Variants in ADAMTS9 observed in about 807,000 individuals in gnomAD.
ADAMTS9 encodes ADAM metallopeptidase with thrombospondin type 1 motif 9.
ADAMTS9 carries 107 observed loss-of-function variants against 257.1 expected under a neutral mutation model. That is an observed-to-expected ratio of 0.42 (90% CI 0.36 to 0.49). The LOEUF is 0.49. Ranked by LOEUF, ADAMTS9 falls within the 20% of genes least tolerant of loss-of-function variation. The pLI is 0.03. For synonymous variants in ADAMTS9, 982 were observed against 880.9 expected (o/e 1.11, Z -2.03); for missense variants, 2,353 against 2,469.1 (o/e 0.95, Z 1.00).
intron 28 of ADAMTS9, chr3:64,589,803 A>C (rs559462407): frequency 6.6e-6 from 1 of 152,290 alleles, no homozygotes; most frequent in African/African-American, 2.4e-5. Context: ...GGCTCTCTTG[A>C]AACTTCCAAG....
intron 22 of ADAMTS9, 21 bp from the exon 23 acceptor site, chr3:64,607,100 G>T (rs2084569465): frequency 1.2e-6 from 2 of 1,611,058 alleles, no homozygotes; most frequent in Non-Finnish European, 1.7e-6. Context: ...GAGGACAAAA[G>T]GTATATACAA....
intron 2 of ADAMTS9, among the ~76,000 whole-genome samples, chr3:64,685,676 A>T (rs915119297): frequency 1.2e-4 from 18 of 152,188 alleles, no homozygotes; most frequent in African/African-American, 4.3e-4. Context: ...ATTCCCTGCT[A>T]AATGCTATTT....
intron 19 of ADAMTS9, among the ~76,000 whole-genome samples, chr3:64,620,360 G>T (rs1559795483): frequency 6.6e-6 from 1 of 152,084 alleles, no homozygotes; most frequent in Non-Finnish European, 1.5e-5. Flanking sequence ...TCACTTTTCT[G>T]CTTATAAATG....
In ADAMTS9 at chr3:64,596,910, C is replaced by A. The variant is rs1180915839; in HGVS notation, c.4099G>T (p.Val1367Leu). ...DENGYTANDC[V>L]ERIKPDEQRA... is the part of the protein sequence containing the mutation. ...TGCTCATCAGGTTTTATTCTCTCCACACAGTCGTTTGCGGTGTATCCATTT... is the reference window on the plus strand; with the variant it reads ...TGCTCATCAGGTTTTATTCTCTCCAAACAGTCGTTTGCGGTGTATCCATTT... Residue 1367 changes from valine (V) to leucine (L), a missense_variant, in exon 27 of 40, where the codon GTG becomes TTG. By Grantham distance (32) the Val-to-Leu change is conservative (BLOSUM62 1). This residue lies in a region of ADAMTS9 where 1,402 missense variants were observed against 1,441.4 expected (regional missense o/e 0.97). Coordinates refer to ENST00000498707, the MANE Select transcript of ADAMTS9 (RefSeq NM_182920.2). 6.2e-7 allele frequency: 1 copy of A among 1,614,010 alleles called. No individual in the cohort carries two copies. The highest frequency in any genetic ancestry group is 8.5e-7 in the Non-Finnish European group (1 of 1,179,978).
Position 64,596,948 on chromosome 3 carries a change from A to G in ADAMTS9, c.4061T>C (p.Val1354Ala). 3.1e-6 allele frequency: 5 copies of G among 1,613,958 alleles called. No homozygotes were observed. The highest frequency in any genetic ancestry group is 4.2e-6 in the Non-Finnish European group (5 of 1,179,952). Residue 1354 changes from valine (V) to alanine (A), a missense_variant, in exon 27 of 40, where the codon GTA (valine) becomes GCA (alanine). This residue lies in a region of ADAMTS9 where 1,402 missense variants were observed against 1,441.4 expected (regional missense o/e 0.97). Coordinates refer to ENST00000498707, the MANE Select transcript of ADAMTS9 (RefSeq NM_182920.2). ...GGTGTATCCATTTTCATCCTGACATACAACAACACGCCGCTGGGATCCGCC... is the reference window on the plus strand; with the variant it reads ...GGTGTATCCATTTTCATCCTGACATGCAACAACACGCCGCTGGGATCCGCC... Reference protein sequence around the residue: ...CAGGSQRRVVVCQDENGYTAN... With the variant: ...CAGGSQRRVVACQDENGYTAN...
At chr3:64,597,311 G>T (rs1466467449) in intron 26 of ADAMTS9, among the ~76,000 whole-genome samples, 2 of 152,272 alleles carry the variant, frequency 1.3e-5, no homozygotes, top group East Asian at 1.9e-4. Flanking sequence ...ATCTCTAAGA[G>T]GTACAGAGGT....
In ADAMTS9 at chr3:64,568,460, T is replaced by C; in HGVS notation, c.4432A>G (p.Ser1478Gly). 1 of 1,614,168 alleles carries C rather than the reference T, an allele frequency of 6.2e-7. No homozygotes were observed. The highest frequency in any genetic ancestry group is 8.5e-7 in the Non-Finnish European group (1 of 1,180,004). Reference sequence around the variant, plus strand: ...TTAGCCAGGTGCTTACAGTAATCACTTTCTAAATGGCTTCCATCTTTTGCC... The same window carrying C: ...TTAGCCAGGTGCTTACAGTAATCACCTTCTAAATGGCTTCCATCTTTTGCC... Reference protein sequence around the residue: ...CMAKDGSHLESDYCKHLAKPH... With the variant: ...CMAKDGSHLEGDYCKHLAKPH... Residue 1478 changes from serine (S) to glycine (G), a missense_variant, in exon 29 of 40, where the codon AGT becomes GGT. Physicochemically the swap from Ser to Gly is moderately conservative, Grantham distance 56. Transcript: ENST00000498707.
At position 64,603,824 on chromosome 3, in the gene ADAMTS9, C is replaced by T. The variant is rs534790038; in HGVS notation, c.3747+98G>A. Reference sequence around the variant, plus strand: ...AGACAAATCCAGCTCTGAAATATTACCCATTGACATTTCCAAGTGGCGCCC... The same window carrying T: ...AGACAAATCCAGCTCTGAAATATTATCCATTGACATTTCCAAGTGGCGCCC... On this transcript the variant is annotated intron_variant, in intron 25 of 39. Transcript: ENST00000498707. 19 of 1,297,814 alleles carry T rather than the reference C, an allele frequency of 1.5e-5. No individual in the cohort carries two copies. In the African/African-American group the frequency reaches 2.3e-4, roughly 16 times the overall value. The allele number at this position is 1,297,814 out of a possible 1,614,324, so 80.4% of individuals were successfully genotyped here. A position where few individuals can be genotyped will look rare whatever the true frequency, so the allele number is the denominator to read the frequency against.
chr3:64,671,879 CTT>C (rs1451512033), intron 3 of ADAMTS9, among the ~76,000 whole-genome samples: 1 of 152,200 alleles, frequency 6.6e-6, no homozygotes, highest in African/African-American at 2.4e-5. Context: ...AATAAAGACT[CTT>C]TTATGATACA....
At chr3:64,628,584 C>T (rs923966837) in intron 16 of ADAMTS9, among the ~76,000 whole-genome samples, 4 of 152,128 alleles carry the variant, frequency 2.6e-5, no homozygotes, top group African/African-American at 7.2e-5. Flanking sequence ...GGATTCCCCC[C>T]CCAAAATAAT....
At chr3:64,517,416 G>GTTTTTT (rs755480110) in intron 39 of ADAMTS9, among the ~76,000 whole-genome samples, 3,380 of 52,348 alleles carry the variant, frequency 0.065, 747 homozygotes, top group East Asian at 0.33. Context: ...ATTAAAAATG[G>GTTTTTT]TTTTTTTTTT....
chr3:64,684,679 G>T (rs1415317873), intron 2 of ADAMTS9, among the ~76,000 whole-genome samples: 1 of 152,090 alleles, frequency 6.6e-6, no homozygotes, highest in Non-Finnish European at 1.5e-5. Flanking sequence ...TATAAATGAG[G>T]TTATCACAGT....
chr3:64,613,509 A>G lies in ADAMTS9; in HGVS notation c.3190T>C (p.Cys1064Arg), dbSNP rs1472757909. 1 of 1,612,560 alleles carries G rather than the reference A, an allele frequency of 6.2e-7. No homozygotes were observed. The highest frequency in any genetic ancestry group is 8.5e-7 in the Non-Finnish European group (1 of 1,179,398). Residue 1064 changes from cysteine to arginine, a missense_variant and splice_region_variant, in exon 22 of 40, where the codon TGC becomes CGC. By Grantham distance (180) the Cys-to-Arg change is radical. Around this residue, in one of 3 missense-constraint regions of ADAMTS9, gnomAD observed 1,402 missense variants for 1,441.4 expected, o/e 0.97. Transcript: ENST00000498707. ...PQWKSGDWSE[C>R]LVTCGKGHKH... ...TGCCCTTTTCCACAGGTGACCAAGC[A>G]CTGTAATGAAAAGCGGAGCTAGTCA...
intron 3 of ADAMTS9, among the ~76,000 whole-genome samples, chr3:64,678,336 T>C (rs1364070506): frequency 3.3e-5 from 5 of 152,210 alleles, no homozygotes; most frequent in African/African-American, 1.2e-4. Flanking sequence ...AGCACTGATG[T>C]AGAAAGTCAA....
intron 29 of ADAMTS9, among the ~76,000 whole-genome samples, chr3:64,564,971 GC>G (rs2106664888): frequency 6.6e-6 from 1 of 152,308 alleles, no homozygotes; most frequent in Admixed American, 6.5e-5. Context: ...ATGTGCGTTT[GC>G]GATCCCAGTT....
At chr3:64,627,878 G>A (rs757015566) in intron 16 of ADAMTS9, among the ~76,000 whole-genome samples, 17 of 152,230 alleles carry the variant, frequency 1.1e-4, no homozygotes, top group Admixed American at 2.0e-4. Context: ...TGGACTCAAC[G>A]CGAGACTCAG....
chr3:64,625,110 C>T (rs939554626), intron 16 of ADAMTS9, among the ~76,000 whole-genome samples: 1 of 152,142 alleles, frequency 6.6e-6, no homozygotes, highest in East Asian at 1.9e-4. Flanking sequence ...ATAAAAGAAA[C>T]AAGGACATTT....
chr3:64,633,770 G>A lies in ADAMTS9; in HGVS notation c.1966C>T (p.His656Tyr), dbSNP rs1469351638. ...ATGTTAAAATGCTTCCCGTCAAAGT[G>A]AGCACACTGTTCATCTCGGAAGTCT... ...KRDFRDEQCA[H>Y]FDGKHFNING... Residue 656 changes from histidine to tyrosine, a missense_variant, in exon 13 of 40, where the codon CAC (histidine) becomes TAC (tyrosine). Around this residue, in one of 3 missense-constraint regions of ADAMTS9, gnomAD observed 360 missense variants for 458.1 expected, o/e 0.79. Transcript: ENST00000498707. 6.2e-7 allele frequency: 1 copy of A among 1,613,462 alleles called. No individual in the cohort carries two copies. The highest frequency in any genetic ancestry group is 8.5e-7 in the Non-Finnish European group (1 of 1,179,958).
chr3:64,594,373 C>G lies in ADAMTS9; in HGVS notation c.4241G>C (p.Gly1414Ala). Residue 1414 changes from glycine (G) to alanine (A), a missense_variant, in exon 28 of 40, where the codon GGT becomes GCT. By Grantham distance (60) the Gly-to-Ala change is moderately conservative (BLOSUM62 0). Coordinates refer to ENST00000498707, the MANE Select transcript of ADAMTS9 (RefSeq NM_182920.2). ...ACAGCTCAAATCTGGAAACCGTTCACCGTTGGACCGCTGACAGACCACCAG... is the reference window on the plus strand; with the variant it reads ...ACAGCTCAAATCTGGAAACCGTTCAGCGTTGGACCGCTGACAGACCACCAG... ...TRLVVCQRSN[G>A]ERFPDLSCEI... 6.2e-7 allele frequency: 1 copy of G among 1,614,090 alleles called. No homozygotes were observed. Among genetic ancestry groups the G allele is most frequent in the South Asian group, 1.1e-5 (1 of 91,086 alleles).
Sources: allele counts gnomAD v4.1 joint callset (sites outside exome capture counted in the v4.1 genomes callset), GRCh38; gene constraint gnomAD v4.1.1; regional missense constraint gnomAD v4.1.1; transcripts MANE v1.5; gene names NCBI Gene and HGNC (gene_info 2026-07-23, HGNC 2026-07-21).